The following PLB1 variants were observed in gnomAD, a reference collection of about 807,000 sequenced individuals.
PLB1 encodes the protein phospholipase B1.
Under a neutral mutation model 227.4 loss-of-function variants are expected in PLB1, and 242 were observed. The observed-to-expected ratio is 1.06, with a 90% CI of 0.96 to 1.18. The LOEUF is 1.18. PLB1 is among the 50% of genes most tolerant of loss of function. The pLI is 0.00. For synonymous variants in PLB1, 757 were observed against 682.2 expected, an observed-to-expected ratio of 1.11 and a Z score of -1.71; for missense variants, 1,858 against 1,816.3, an observed-to-expected ratio of 1.02 and a Z score of -0.42.
chr2:28,549,044 G>T, intron 15 of PLB1, 113 bp downstream of exon 15: 1 of 872,920 alleles, frequency 1.1e-6, no homozygotes, highest in Admixed American at 2.1e-5. Flanking sequence ...TCCTGTTTCT[G>T]TTCTTCTGGG....
chr2:28,583,199 T>C (rs935559372), intron 25 of PLB1, among the ~76,000 whole-genome samples: 5 of 152,016 alleles, frequency 3.3e-5, no homozygotes, highest in Non-Finnish European at 7.4e-5. Flanking sequence ...CTTTTTTTTT[T>C]TTTTGAGACA....
chr2:28,565,430 C>T, intron 19 of PLB1, 77 bp downstream of exon 19: 1 of 1,347,390 alleles, frequency 7.4e-7, no homozygotes, highest in Non-Finnish European at 1.0e-6. Context: ...TTCTAGAAAA[C>T]AACGCCTTAA....
At chr2:28,504,242 C>A (rs1416680320) in intron 1 of PLB1, among the ~76,000 whole-genome samples, 1 of 152,186 alleles carries the variant, frequency 6.6e-6, no homozygotes, top group African/African-American at 2.4e-5. Flanking sequence ...ACACTGCATT[C>A]TAAGTAATTT....
chr2:28,606,906 G>T (rs1684759814), intron 43 of PLB1, among the ~76,000 whole-genome samples: 1 of 152,134 alleles, frequency 6.6e-6, no homozygotes, highest in South Asian at 2.1e-4. Flanking sequence ...TGGTGTTTGG[G>T]GCAGATGAAA....
intron 13 of PLB1, 109 bp from the exon 14 acceptor site, chr2:28,543,103 C>A (rs1199045741): frequency 3.4e-6 from 4 of 1,189,178 alleles, no homozygotes; most frequent in South Asian, 1.4e-5. Context: ...AAGGCCTGGA[C>A]AGATCAGGCT....
chr2:28,524,383 G>A (rs1558666657), intron 4 of PLB1, among the ~76,000 whole-genome samples: 2 of 152,176 alleles, frequency 1.3e-5, no homozygotes, highest in Admixed American at 1.3e-4. Flanking sequence ...AAGTTACCAC[G>A]GTCTCAAATC....
intron 17 of PLB1, among the ~76,000 whole-genome samples, chr2:28,558,587 T>C (rs1320995395): frequency 6.6e-6 from 1 of 152,230 alleles, no homozygotes; most frequent in Non-Finnish European, 1.5e-5. Flanking sequence ...ATTGTTCTTC[T>C]AACCACATGG....
Position 28,582,148 on chromosome 2 carries a change from C to T in PLB1, c.1632+15C>T, listed in dbSNP as rs1231478915. 3 of 1,610,520 alleles carry T rather than the reference C, an allele frequency of 1.9e-6. No homozygotes were observed. Among genetic ancestry groups the T allele is most frequent in the Non-Finnish European group, 2.5e-6 (3 of 1,176,718 alleles). ...TCCATGCTGAGGTACGGAGGCTAGG[C>T]CATGAGGCCTGCATCTTAGACCTCA... On this transcript the variant is annotated intron_variant, in intron 24 of 57. Coordinates refer to ENST00000327757, the MANE Select transcript of PLB1 (RefSeq NM_153021.5).
chr2:28,638,448 G>C (rs1689616015), intron 56 of PLB1, among the ~76,000 whole-genome samples: 1 of 152,140 alleles, frequency 6.6e-6, no homozygotes, highest in Non-Finnish European at 1.5e-5. Context: ...AAGCAGTAGA[G>C]TGATATGCTC....
At chr2:28,572,245 CATA>C (rs1678133439) in intron 20 of PLB1, among the ~76,000 whole-genome samples, 1 of 152,128 alleles carries the variant, frequency 6.6e-6, no homozygotes. Context: ...AATAGGAAGA[CATA>C]ATAAGTGTTG....
chr2:28,641,589 C>G (rs1689981430), intron 57 of PLB1, among the ~76,000 whole-genome samples: 1 of 152,136 alleles, frequency 6.6e-6, no homozygotes, highest in Non-Finnish European at 1.5e-5. Context: ...GACTGAGTGA[C>G]AGAGTGAGAC....
chr2:28,579,894 A>C (rs11695164), intron 23 of PLB1, among the ~76,000 whole-genome samples, 187 bp downstream of exon 23: 4,860 of 152,300 alleles, frequency 0.032, 158 homozygotes, highest in African/African-American at 0.081. Context: ...TCAGCTGGGC[A>C]AGCAGGATTA....
intron 57 of PLB1, 96 bp downstream of exon 57, chr2:28,641,097 C>T (rs1042671024): frequency 1.5e-5 from 17 of 1,168,050 alleles, no homozygotes; most frequent in Non-Finnish European, 2.0e-5. Context: ...GGGGATGCTC[C>T]CTCAAATGCG....
At chr2:28,505,047 C>G (rs558968585) in intron 1 of PLB1, among the ~76,000 whole-genome samples, 1 of 152,150 alleles carries the variant, frequency 6.6e-6, no homozygotes, top group South Asian at 2.1e-4. Context: ...TCACTTCAAA[C>G]TAAATTCATG....
rs919397507 is a variant in PLB1 at position 28,615,599 on chromosome 2, C to T, written c.3195+1503C>T. Among the ~76,000 whole-genome samples the T allele has an allele frequency of 9.8e-5, 15 of 152,342 alleles. No homozygotes were observed. The East Asian group carries it at 2.5e-3, about 25-fold the overall frequency. On this transcript the variant is annotated intron_variant, in intron 44 of 57. Transcript: ENST00000327757. ...GCCTCTCTGAATTTTCTCAGGCTCA[C>T]GTTAGCCCAGTGGAGGCTTGTCCTC...
chr2:28,499,383 A>G (rs1308268405), intron 1 of PLB1, among the ~76,000 whole-genome samples: 4 of 152,124 alleles, frequency 2.6e-5, no homozygotes, highest in South Asian at 4.1e-4. Context: ...TAACAAAGCA[A>G]TGGCAAAATA....
chr2:28,579,831 C>T (rs947528413), intron 23 of PLB1, 124 bp downstream of exon 23: 1 of 804,524 alleles, frequency 1.2e-6, no homozygotes, highest in Non-Finnish European at 2.1e-6. Context: ...TGTCTTGGAT[C>T]CAGCCTGGGA....
intron 43 of PLB1, among the ~76,000 whole-genome samples, chr2:28,609,387 C>T (rs1266163091): frequency 6.6e-6 from 1 of 151,954 alleles, no homozygotes; most frequent in East Asian, 1.9e-4. Context: ...AATACATTTC[C>T]CCTTGGATGC....
intron 4 of PLB1, among the ~76,000 whole-genome samples, chr2:28,520,166 A>G (rs1669331592): frequency 6.6e-6 from 1 of 151,378 alleles, no homozygotes; most frequent in East Asian, 1.9e-4. Flanking sequence ...GACCTCAGGT[A>G]ATCTGCCCGC....
Sources: gnomAD v4.1 joint callset for allele counts (sites outside exome capture counted in the v4.1 genomes callset) on GRCh38, gnomAD v4.1.1 for gene constraint, MANE v1.5 for transcripts, NCBI Gene and HGNC (gene_info 2026-07-23, HGNC 2026-07-21) for gene names.